Variants in PDGFD observed in about 807,000 individuals in gnomAD.
PDGFD encodes the protein platelet-derived growth factor D.
PDGFD carries 30 observed loss-of-function variants against 44.7 expected under a neutral mutation model. The observed-to-expected ratio is 0.67, with a 90% CI of 0.50 to 0.91. PDGFD has a LOEUF of 0.91. Among genes scored for constraint, PDGFD ranks in the 40% least tolerant of loss-of-function variants. The pLI is 0.00. For missense variants in PDGFD, 445 were observed against 457.8 expected, an observed-to-expected ratio of 0.97 and a Z score of 0.25; for synonymous variants, 173 against 168.4, an observed-to-expected ratio of 1.03 and a Z score of -0.21.
intron 1 of PDGFD, among the ~76,000 whole-genome samples, chr11:104,111,313 G>T (rs1861553956): frequency 6.9e-6 from 1 of 145,388 alleles, no homozygotes; most frequent in Admixed American, 7.0e-5. Context: ...AGGCTAGGGT[G>T]TTGTGGGTGT....
intron 1 of PDGFD, among the ~76,000 whole-genome samples, chr11:104,032,652 C>CTT (rs202215171): frequency 4.6e-4 from 63 of 138,030 alleles, no homozygotes; most frequent in South Asian, 3.7e-3. Context: ...GGATTTTTTT[C>CTT]TTTTTTTTTT....
At chr11:104,033,952 AT>A (rs1356497332) in intron 1 of PDGFD, among the ~76,000 whole-genome samples, 4 of 151,128 alleles carry the variant, frequency 2.6e-5, no homozygotes, top group African/African-American at 4.9e-5. Flanking sequence ...ACAATGCTAG[AT>A]TTTTTTTCTT....
At chr11:103,940,148 C>T (rs1858561662) in intron 5 of PDGFD, among the ~76,000 whole-genome samples, 1 of 152,014 alleles carries the variant, frequency 6.6e-6, no homozygotes, top group Non-Finnish European at 1.5e-5. Context: ...GCTCACTTAC[C>T]ACCTCACCTC....
chr11:104,016,361 C>T (rs1859858131), intron 1 of PDGFD, among the ~76,000 whole-genome samples: 1 of 152,232 alleles, frequency 6.6e-6, no homozygotes, highest in Non-Finnish European at 1.5e-5. Flanking sequence ...AAGAAAAGGC[C>T]TTTCTTGACA....
At chr11:103,982,049 G>C (rs1176075721) in intron 3 of PDGFD, among the ~76,000 whole-genome samples, 1 of 151,608 alleles carries the variant, frequency 6.6e-6, no homozygotes, top group Non-Finnish European at 1.5e-5. Context: ...CCTAACATTT[G>C]ACCCTTACAA....
intron 6 of PDGFD, among the ~76,000 whole-genome samples, chr11:103,920,450 G>A (rs1858196984): frequency 6.6e-6 from 1 of 152,254 alleles, no homozygotes; most frequent in Admixed American, 6.5e-5. Flanking sequence ...CATGGCATTA[G>A]CATTGGGTAT....
intron 3 of PDGFD, among the ~76,000 whole-genome samples, chr11:103,985,023 A>T (rs1307226202): frequency 7.7e-6 from 1 of 130,182 alleles, no homozygotes; most frequent in Admixed American, 8.8e-5. Context: ...AATATATATT[A>T]ATTTATTTGA....
At chr11:104,160,241 T>C (rs2119933913) in intron 1 of PDGFD, among the ~76,000 whole-genome samples, 1 of 152,266 alleles carries the variant, frequency 6.6e-6, no homozygotes, top group Middle Eastern at 3.4e-3. Context: ...TAACAGATGA[T>C]TCAATACTAT....
intron 2 of PDGFD, among the ~76,000 whole-genome samples, chr11:103,997,139 A>T (rs1005939830): frequency 6.6e-6 from 1 of 152,196 alleles, no homozygotes; most frequent in African/African-American, 2.4e-5. Flanking sequence ...TCTACTTGAT[A>T]AGCTGAACTA....
intron 6 of PDGFD, among the ~76,000 whole-genome samples, chr11:103,917,863 G>T (rs1212205647): frequency 6.6e-6 from 1 of 152,164 alleles, no homozygotes. Context: ...GACCTGTGAT[G>T]CTTTGCTTGA....
intron 3 of PDGFD, among the ~76,000 whole-genome samples, chr11:103,983,187 A>G (rs777645856): frequency 2.0e-5 from 3 of 151,860 alleles, no homozygotes; most frequent in Non-Finnish European, 4.4e-5. Flanking sequence ...GGGTTACAGT[A>G]ACCAAAACAG....
intron 1 of PDGFD, among the ~76,000 whole-genome samples, chr11:104,088,911 C>G (rs1292827642): frequency 9.6e-6 from 1 of 103,778 alleles, no homozygotes; most frequent in Non-Finnish European, 1.9e-5. Flanking sequence ...GCATGAACAA[C>G]AAAGTGGGAT....
intron 1 of PDGFD, among the ~76,000 whole-genome samples, chr11:104,043,790 A>G (rs1237450159): frequency 6.6e-6 from 1 of 152,052 alleles, no homozygotes; most frequent in Non-Finnish European, 1.5e-5. Context: ...ATTCTTTTTA[A>G]CAAGCAGATC....
chr11:104,133,247 T>C (rs1362283800), intron 1 of PDGFD, among the ~76,000 whole-genome samples: 1 of 152,200 alleles, frequency 6.6e-6, no homozygotes, highest in Non-Finnish European at 1.5e-5. Flanking sequence ...TCTTTCCTAC[T>C]TTCGATTAAT....
At chr11:104,024,397 C>T (rs973150190) in intron 1 of PDGFD, among the ~76,000 whole-genome samples, 27 of 152,280 alleles carry the variant, frequency 1.8e-4, no homozygotes, top group Admixed American at 3.9e-4. Context: ...GACTGAACTG[C>T]ATATAAATAA....
intron 1 of PDGFD, among the ~76,000 whole-genome samples, chr11:104,005,906 A>G (rs1460344756): frequency 6.6e-6 from 1 of 152,212 alleles, no homozygotes; most frequent in East Asian, 1.9e-4. Flanking sequence ...TATAACAATG[A>G]CATAGTTTTA....
intron 1 of PDGFD, among the ~76,000 whole-genome samples, chr11:104,093,069 T>G (rs1225579345): frequency 3.3e-5 from 5 of 152,112 alleles, no homozygotes; most frequent in African/African-American, 1.2e-4. Context: ...CACTTTGTGG[T>G]CCCCCAGCTC....
chr11:103,994,933 G>A (rs1156922453), intron 3 of PDGFD, among the ~76,000 whole-genome samples: 1 of 148,084 alleles, frequency 6.8e-6, no homozygotes, highest in Non-Finnish European at 1.5e-5. Context: ...AGGCTAGACT[G>A]CAGTAGTGTA....
chr11:104,062,772 A>C (rs957365394), intron 1 of PDGFD, among the ~76,000 whole-genome samples: 1 of 152,244 alleles, frequency 6.6e-6, no homozygotes, highest in African/African-American at 2.4e-5. Context: ...TAAGGGAAGA[A>C]AACAAAAATG....
Sources: allele counts gnomAD v4.1 joint callset (sites outside exome capture counted in the v4.1 genomes callset), GRCh38; gene constraint gnomAD v4.1.1; transcripts MANE v1.5; gene names NCBI Gene and HGNC (gene_info 2026-07-23, HGNC 2026-07-21).